The following PAICS variants were observed in gnomAD, a reference collection of about 807,000 sequenced individuals.
PAICS encodes bifunctional phosphoribosylaminoimidazole carboxylase/phosphoribosylaminoimidazole succinocarboxamide synthetase.
PAICS carries 33 observed loss-of-function variants against 53.7 expected under a neutral mutation model. The ratio of observed to expected loss-of-function variants is 0.61; its 90% CI spans 0.47 to 0.82. The LOEUF (loss-of-function observed/expected upper bound fraction) is 0.82, where lower values mean the gene tolerates loss of function less well. Ranked by LOEUF, PAICS falls within the 40% of genes least tolerant of loss-of-function variation. PAICS has a pLI of 0.00. For missense variants in PAICS, 394 were observed against 494.1 expected (o/e 0.80, Z 1.92); for synonymous variants, 141 against 167.2 (o/e 0.84, Z 1.21).
intron 7 of PAICS, 103 bp from the exon 8 acceptor site, chr4:56,453,500 A>G: frequency 3.2e-6 from 2 of 617,672 alleles, no homozygotes; most frequent in Non-Finnish European, 5.4e-6. Context: ...CAAGGACCTC[A>G]AGTAATTAAA....
At chr4:56,450,596 A>G (rs757285114) in intron 5 of PAICS, 23 bp from the exon 6 acceptor site, 1 of 1,298,222 alleles carries the variant, frequency 7.7e-7, no homozygotes, top group East Asian at 2.5e-5. Context: ...CTTGTTTTCT[A>G]AACTTTCTAT....
upstream of PAICS, chr4:56,436,222 C>G: frequency 6.5e-7 from 1 of 1,537,774 alleles, no homozygotes; most frequent in Non-Finnish European, 8.8e-7. Flanking sequence ...CCGCCTCCTT[C>G]CCCGCCCAGC....
chr4:56,462,523 A>T lies in PAICS; in HGVS notation c.*2985A>T, dbSNP rs1339097083. 6.6e-6 allele frequency: 1 copy of T among 152,210 alleles called. No homozygotes were observed. The highest frequency in any genetic ancestry group is 2.4e-5 in the African/African-American group (1 of 41,460). 9.4% of individuals were successfully genotyped at this position (152,210 alleles called of 1,614,324 possible). A position where few individuals can be genotyped will look rare whatever the true frequency, so the allele number is the denominator to read the frequency against. On this transcript the variant is annotated 3_prime_UTR_variant, in exon 9 of 9. Coordinates refer to ENST00000512576, the MANE Select transcript of PAICS (RefSeq NM_001079524.2). ...TGAGGGATGATGTATGATCTTCAAC[A>T]TGTCTAATTTTTTTGTGCCTCAATT...
intron 5 of PAICS, among the ~76,000 whole-genome samples, 200 bp downstream of exon 5, chr4:56,449,023 A>G (rs547059050): frequency 6.6e-6 from 1 of 152,324 alleles, no homozygotes; most frequent in African/African-American, 2.4e-5. Context: ...TTATAAAGCA[A>G]ATTTCTCATC....
chr4:56,457,875 C>A (rs1719305115), intron 8 of PAICS, among the ~76,000 whole-genome samples: 1 of 152,000 alleles, frequency 6.6e-6, no homozygotes, highest in African/African-American at 2.4e-5. Flanking sequence ...CTTTCAGTTG[C>A]CAAAATGTTA....
At chr4:56,436,603 T>C in intron 1 of PAICS, 3 of 683,560 alleles carry the variant, frequency 4.4e-6, no homozygotes, top group Non-Finnish European at 8.0e-6. Context: ...TATTGCAAAA[T>C]ACAAGCAAAT....
intron 5 of PAICS, among the ~76,000 whole-genome samples, chr4:56,449,986 AAAG>A (rs1224949374): frequency 1.3e-5 from 2 of 151,746 alleles, no homozygotes; most frequent in South Asian, 4.2e-4. Flanking sequence ...AAAAAAAAAA[AAAG>A]AAAGAAAAAG....
At position 56,453,022 on chromosome 4, in the gene PAICS, T is replaced by C. The variant is rs145811760; in HGVS notation, c.953-581T>C. 7.4e-3 allele frequency among the ~76,000 whole-genome samples: 1,132 copies of C among 152,306 alleles called. 21 individuals are homozygous for C. The highest frequency in any genetic ancestry group is 0.026 in the African/African-American group (1,086 of 41,560). On this transcript the variant is annotated intron_variant, in intron 7 of 8. Coordinates refer to ENST00000512576, the MANE Select transcript of PAICS (RefSeq NM_001079524.2). Reference sequence around the variant, plus strand: ...TGCAAATACATACAATTTTGGATTCTAGGTTAACAAATCTCTGCTTTAGGA... The same window carrying C: ...TGCAAATACATACAATTTTGGATTCCAGGTTAACAAATCTCTGCTTTAGGA...
intron 5 of PAICS, 149 bp from the exon 6 acceptor site, chr4:56,450,470 T>C: frequency 3.5e-6 from 2 of 577,872 alleles, no homozygotes; most frequent in Middle Eastern, 9.3e-4. Context: ...TGGAACTTTG[T>C]TAGTTTAATT....
intron 8 of PAICS, among the ~76,000 whole-genome samples, chr4:56,455,592 G>A (rs1719152733): frequency 2.0e-5 from 3 of 152,116 alleles, no homozygotes; most frequent in Admixed American, 2.0e-4. Context: ...AATACAAAAG[G>A]TAAATTTTGA....
At chr4:56,445,049 G>C in intron 2 of PAICS, among the ~76,000 whole-genome samples, 1 of 151,982 alleles carries the variant, frequency 6.6e-6, no homozygotes, top group East Asian at 1.9e-4. Flanking sequence ...TTTTTTTAAA[G>C]GTTAAAATGA....
the PAICS span, among the ~76,000 whole-genome samples, chr4:56,417,701 C>T: frequency 2.6e-5 from 4 of 152,036 alleles, no homozygotes; most frequent in Non-Finnish European, 4.4e-5. Flanking sequence ...CAGGAAGGCT[C>T]ACTTGAGCCC....
chr4:56,447,428 C>T (rs539265042), intron 3 of PAICS, among the ~76,000 whole-genome samples: 30 of 152,188 alleles, frequency 2.0e-4, no homozygotes, highest in African/African-American at 7.2e-4. Context: ...AAAGTTGGGA[C>T]ACTGCTGAGA....
chr4:56,425,713 G>A, the PAICS span, among the ~76,000 whole-genome samples: 6 of 152,152 alleles, frequency 3.9e-5, no homozygotes, highest in Admixed American at 6.5e-5. Flanking sequence ...GGTAGTCACC[G>A]AAAAAGACCG....
At chr4:56,436,168 G>A (rs1019432224), upstream of PAICS, 2 of 1,497,644 alleles carry the variant, frequency 1.3e-6, no homozygotes, top group African/African-American at 2.8e-5. Flanking sequence ...CGGGTTAGGC[G>A]GCTGTAGCGG....
Position 56,456,254 on chromosome 4 carries a change from G to A in PAICS, c.1111+2493G>A, listed in dbSNP as rs931470054. ...TTATAGGTATGCACCACCACGCCTG[G>A]CTAATTTTTGTATTTTTAGTGGAGA... On this transcript the variant is annotated intron_variant, in intron 8 of 8. Transcript: ENST00000512576. Among the ~76,000 whole-genome samples the A allele has an allele frequency of 8.5e-5, 13 of 152,216 alleles. No individual in the cohort carries two copies. The East Asian group carries it at 2.3e-3, about 27-fold the overall frequency.
At chr4:56,435,278 G>A (rs1352658303), upstream of PAICS, 4 of 1,598,214 alleles carry the variant, frequency 2.5e-6, no homozygotes. Context: ...GCGCTCATGA[G>A]AACGCCGACT....
At chr4:56,436,156 T>G, upstream of PAICS, 1 of 1,489,288 alleles carries the variant, frequency 6.7e-7, no homozygotes, top group Non-Finnish European at 9.0e-7. Flanking sequence ...CCCATACCCC[T>G]CCGGGTTAGG....
intron 2 of PAICS, among the ~76,000 whole-genome samples, chr4:56,445,825 A>G (rs1210005485): frequency 6.6e-6 from 1 of 152,220 alleles, no homozygotes; most frequent in East Asian, 1.9e-4. Flanking sequence ...AAACCCATGT[A>G]GGTTTCCAGG....
Sources: gnomAD v4.1 joint callset for allele counts (sites outside exome capture counted in the v4.1 genomes callset) on GRCh38, gnomAD v4.1.1 for gene constraint, MANE v1.5 for transcripts, NCBI Gene and HGNC (gene_info 2026-07-23, HGNC 2026-07-21) for gene names.